SAMD3: variants seen among roughly 807,000 people sequenced by gnomAD.
SAMD3 encodes sterile alpha motif domain containing 3.
SAMD3 carries 63 observed loss-of-function variants against 58.5 expected under a neutral mutation model. That is an observed-to-expected ratio of 1.08 (90% CI 0.88 to 1.33). The LOEUF (loss-of-function observed/expected upper bound fraction) is 1.33, where lower values mean the gene tolerates loss of function less well. Among genes scored for constraint, SAMD3 ranks in the 40% most tolerant of loss-of-function variants. The probability of loss-of-function intolerance (pLI) is 0.00; values close to 1 mark genes in which losing one functional copy is unlikely to be tolerated. For synonymous variants in SAMD3, 220 were observed against 210.3 expected (o/e 1.05, Z -0.40); for missense variants, 604 against 608.4 (o/e 0.99, Z 0.08).
At chr6:130,245,832 G>T (rs1458237992) in intron 2 of SAMD3, among the ~76,000 whole-genome samples, 2 of 152,128 alleles carry the variant, frequency 1.3e-5, no homozygotes, top group Non-Finnish European at 2.9e-5. Flanking sequence ...GTGCTCAAAT[G>T]TTGTACTGCA....
At chr6:130,365,353 C>T (rs187222175) in exon 1 of SAMD3, 5 of 985,658 alleles carry the variant, frequency 5.1e-6, no homozygotes, top group Non-Finnish European at 6.0e-6. Flanking sequence ...TCTCGCCCCC[C>T]CAAGCCGTTC....
chr6:130,260,428 G>T (rs1185159050), intron 2 of SAMD3, among the ~76,000 whole-genome samples: 1 of 152,222 alleles, frequency 6.6e-6, no homozygotes, highest in Non-Finnish European at 1.5e-5. Flanking sequence ...TGCTTGCTCA[G>T]TTGATCACGA....
Position 130,328,203 on chromosome 6 carries a change from C to T in SAMD3, c.-303-15110G>A, listed in dbSNP as rs528894671. 5.9e-5 allele frequency among the ~76,000 whole-genome samples: 9 copies of T among 152,254 alleles called. No homozygotes were observed. In the South Asian group the frequency reaches 1.2e-3, roughly 21 times the overall value. ...CCACAGTTGCTCCTGGTAAGCCTATCGTGTGTTGGGACTCATGCCCCAATT... is the reference window on the plus strand; with the variant it reads ...CCACAGTTGCTCCTGGTAAGCCTATTGTGTGTTGGGACTCATGCCCCAATT... On this transcript the variant is annotated intron_variant, in intron 1 of 13. Coordinates refer to the SAMD3 transcript ENST00000368134.
At chr6:130,361,180 G>A (rs1270494059) in intron 1 of SAMD3, among the ~76,000 whole-genome samples, 1 of 151,918 alleles carries the variant, frequency 6.6e-6, no homozygotes, top group African/African-American at 2.4e-5. Flanking sequence ...GATATTGATT[G>A]GGGAAGTGAT....
chr6:130,191,275 C>A (rs1793515953), intron 5 of SAMD3, among the ~76,000 whole-genome samples: 1 of 152,098 alleles, frequency 6.6e-6, no homozygotes, highest in African/African-American at 2.4e-5. Flanking sequence ...TATGTGGTCT[C>A]CCTGAGAGGA....
At chr6:130,239,813 T>C (rs1261798942) in intron 2 of SAMD3, among the ~76,000 whole-genome samples, 1 of 152,242 alleles carries the variant, frequency 6.6e-6, no homozygotes, top group African/African-American at 2.4e-5. Context: ...TGCAGAAATT[T>C]GGTTCCTGGA....
At chr6:130,233,319 G>T (rs1452538941) in intron 2 of SAMD3, among the ~76,000 whole-genome samples, 1 of 152,134 alleles carries the variant, frequency 6.6e-6, no homozygotes, top group Admixed American at 6.6e-5. Context: ...TGTTAAATAG[G>T]TATACATGTG....
At chr6:130,148,593 C>T (rs1457007166) in intron 9 of SAMD3, among the ~76,000 whole-genome samples, 1 of 152,212 alleles carries the variant, frequency 6.6e-6, no homozygotes, top group East Asian at 1.9e-4. Flanking sequence ...AGATTTCAGG[C>T]CAGGCACTGT....
chr6:130,238,299 G>A (rs928423445), intron 2 of SAMD3, among the ~76,000 whole-genome samples: 3 of 151,962 alleles, frequency 2.0e-5, no homozygotes, highest in South Asian at 2.1e-4. Context: ...TATTAAAAAC[G>A]AAAAAATATT....
At chr6:130,215,890 C>T (rs769160452) in intron 2 of SAMD3, 281 of 1,464,864 alleles carry the variant, frequency 1.9e-4, no homozygotes, top group Non-Finnish European at 2.4e-4. Flanking sequence ...CCACATTTCT[C>T]TGGAGAATCT....
chr6:130,215,345 C>T (rs1582955960), intron 2 of SAMD3, 51 bp from the exon 3 acceptor site: 1 of 1,299,820 alleles, frequency 7.7e-7, no homozygotes. Flanking sequence ...CTGATTGTGC[C>T]TTAATTTTTT....
chr6:130,279,892 A>C (rs934555085), intron 2 of SAMD3, among the ~76,000 whole-genome samples: 2 of 152,274 alleles, frequency 1.3e-5, no homozygotes, highest in East Asian at 1.9e-4. Flanking sequence ...AATAAAAAGC[A>C]GTCTTTATTA....
intron 2 of SAMD3, among the ~76,000 whole-genome samples, chr6:130,273,735 A>G (rs537120767): frequency 6.6e-6 from 1 of 152,204 alleles, no homozygotes; most frequent in African/African-American, 2.4e-5. Flanking sequence ...TTTTAAGCTG[A>G]TAACAACTTA....
At chr6:130,345,058 C>A (rs1005986700) in intron 1 of SAMD3, among the ~76,000 whole-genome samples, 54 of 152,052 alleles carry the variant, frequency 3.6e-4, no homozygotes, top group African/African-American at 1.2e-3. Flanking sequence ...CAAATTCTTC[C>A]ATTTATTCTG....
intron 5 of SAMD3, among the ~76,000 whole-genome samples, chr6:130,206,484 C>T (rs1312586758): frequency 6.6e-6 from 1 of 152,194 alleles, no homozygotes; most frequent in Non-Finnish European, 1.5e-5. Context: ...TCTTCATGCT[C>T]GGGAACTTAC....
chr6:130,296,149 A>G (rs1235340567), intron 2 of SAMD3, among the ~76,000 whole-genome samples: 1 of 152,190 alleles, frequency 6.6e-6, no homozygotes, highest in Non-Finnish European at 1.5e-5. Flanking sequence ...AAGAAGGTAA[A>G]TGGGAGAATT....
chr6:130,245,110 T>C (rs561557674), intron 2 of SAMD3, among the ~76,000 whole-genome samples: 16 of 152,328 alleles, frequency 1.1e-4, no homozygotes, highest in Middle Eastern at 3.4e-3. Flanking sequence ...TGAATGTTTC[T>C]AGGAAAATGT....
At chr6:130,265,553 C>A (rs540748454) in intron 2 of SAMD3, among the ~76,000 whole-genome samples, 2 of 152,080 alleles carry the variant, frequency 1.3e-5, no homozygotes, top group Non-Finnish European at 2.9e-5. Flanking sequence ...TTGCTACGGT[C>A]CTATTATTTT....
At chr6:130,351,823 T>A (rs1175322678) in intron 1 of SAMD3, among the ~76,000 whole-genome samples, 4 of 152,012 alleles carry the variant, frequency 2.6e-5, no homozygotes, top group African/African-American at 7.2e-5. Context: ...CAAATGTCCA[T>A]CAATGATAGA....
Sources: gnomAD v4.1 joint callset for allele counts (sites outside exome capture counted in the v4.1 genomes callset) on GRCh38, gnomAD v4.1.1 for gene constraint, MANE v1.5 for transcripts, NCBI Gene and HGNC (gene_info 2026-07-23, HGNC 2026-07-21) for gene names.